Variants in NSDHL observed in about 807,000 individuals in gnomAD.
NSDHL encodes the protein NAD(P) dependent 3-beta-hydroxysteroid dehydrogenase NSDHL, also known as sterol-4-alpha-carboxylate 3-dehydrogenase, decarboxylating.
Under a neutral mutation model 23.0 loss-of-function variants are expected in NSDHL, and 1 was observed. That is an observed-to-expected ratio of 0.04 (90% confidence interval 0.02 to 0.21). The LOEUF (loss-of-function observed/expected upper bound fraction) is 0.21, where lower values mean the gene tolerates loss of function less well. NSDHL is among the 10% of genes least tolerant of loss of function. The pLI, the probability that NSDHL is intolerant of heterozygous loss-of-function variation, is 1.00. For missense variants in NSDHL, 237 were observed against 300.9 expected (o/e 0.79, Z 1.57); for synonymous variants, 128 against 121.1 (o/e 1.06, Z -0.37).
At chrX:152,866,383 G>A (rs971022849) in intron 6 of NSDHL, among the ~76,000 whole-genome samples, 5 of 113,003 alleles carry the variant, frequency 4.4e-5, no homozygotes, top group South Asian at 3.6e-4. Context: ...TGAATGTTGC[G>A]GGGATGCAAA....
chrX:152,845,226 A>G (rs995293070), intron 1 of NSDHL, among the ~76,000 whole-genome samples: 2 of 111,825 alleles, frequency 1.8e-5, no homozygotes, highest in African/African-American at 3.3e-5. Context: ...GATCATGCCC[A>G]TTCGTTAAAA....
intron 5 of NSDHL, among the ~76,000 whole-genome samples, chrX:152,865,093 T>G (rs782692595): frequency 1.8e-5 from 2 of 112,717 alleles, no homozygotes; most frequent in Non-Finnish European, 3.7e-5. Flanking sequence ...TTTTGTTACT[T>G]TTGAGGCGAA....
At chrX:152,857,872 T>C (rs781907919) in intron 3 of NSDHL, among the ~76,000 whole-genome samples, 35 of 111,901 alleles carry the variant, frequency 3.1e-4, no homozygotes, top group Non-Finnish European at 5.8e-4. Flanking sequence ...CATGTGATTG[T>C]ATGTAGAGAG....
At chrX:152,855,145 C>T (rs1933423984) in intron 3 of NSDHL, among the ~76,000 whole-genome samples, 1 of 109,224 alleles carries the variant, frequency 9.2e-6, no homozygotes, top group Non-Finnish European at 1.9e-5. Flanking sequence ...CAGGCGCCCA[C>T]CACCACCCAT....
At chrX:152,851,410 G>A (rs1273264697) in intron 3 of NSDHL, among the ~76,000 whole-genome samples, 1 of 111,371 alleles carries the variant, frequency 9.0e-6, no homozygotes, top group Non-Finnish European at 1.9e-5. Flanking sequence ...TTGCTTCCTT[G>A]TTGATCTAGT....
chrX:152,863,240 T>G (rs1933556005), intron 5 of NSDHL, among the ~76,000 whole-genome samples: 2 of 112,179 alleles, frequency 1.8e-5, no homozygotes, highest in Admixed American at 1.9e-4. Context: ...CAGGAGTATT[T>G]TCCTTGTTTA....
chrX:152,863,878 A>G (rs1933565310), intron 5 of NSDHL, among the ~76,000 whole-genome samples: 1 of 110,378 alleles, frequency 9.1e-6, no homozygotes, highest in South Asian at 3.8e-4. Context: ...TGGCTACCTG[A>G]GAGCCAGCTG....
intron 4 of NSDHL, among the ~76,000 whole-genome samples, chrX:152,861,751 TTTTG>T (rs1203433369): frequency 8.9e-6 from 1 of 112,930 alleles, no homozygotes; most frequent in Admixed American, 9.4e-5. Flanking sequence ...GTACTTCGTT[TTTTG>T]TTATTTAATA....
chrX:152,860,323 C>G (rs1556847406), intron 4 of NSDHL, among the ~76,000 whole-genome samples: 1 of 112,190 alleles, frequency 8.9e-6, no homozygotes, highest in Admixed American at 9.4e-5. Context: ...AAAGCAGATT[C>G]TCCAAGTCCC....
In NSDHL at chrX:152,846,518, A is replaced by G. The variant is rs374448578; in HGVS notation, c.108+86A>G. On this transcript the variant is annotated intron_variant, in intron 2 of 7. Coordinates refer to ENST00000370274, the MANE Select transcript of NSDHL (RefSeq NM_015922.3). Reference sequence around the variant, plus strand: ...AATTGTATTTGTACATGTATTAATCAATGTTGGGTATTTTTTATGTAAGAT... The same window carrying G: ...AATTGTATTTGTACATGTATTAATCGATGTTGGGTATTTTTTATGTAAGAT... The G allele has an allele frequency of 2.3e-5, 14 of 617,468 alleles. No individual in the cohort carries two copies. In the East Asian group the frequency reaches 3.3e-4, roughly 15 times the overall value. The allele number at this position is 617,468 out of a possible 1,213,427, so 50.9% of individuals were successfully genotyped here.
chrX:152,855,017 C>T (rs1483117069), intron 3 of NSDHL, among the ~76,000 whole-genome samples: 18 of 97,357 alleles, frequency 1.8e-4, no homozygotes, highest in Non-Finnish European at 3.4e-4. Flanking sequence ...TTTTTTGAGA[C>T]GGAGTCTTGC....
rs372798809 is a variant in NSDHL at position 152,868,778 on chromosome X, C to T, written c.790-6C>T. On this transcript the variant is annotated splice_polypyrimidine_tract_variant and splice_region_variant and intron_variant, in intron 7 of 7. Coordinates refer to ENST00000370274, the MANE Select transcript of NSDHL (RefSeq NM_015922.3). Reference sequence around the variant, plus strand: ...TTCTAACTTCTTGTTCTTGTTCTCCCGCCAGGCATTTCACATCACCAATGA... The same window carrying T: ...TTCTAACTTCTTGTTCTTGTTCTCCTGCCAGGCATTTCACATCACCAATGA... The T allele has an allele frequency of 1.3e-5, 16 of 1,203,785 alleles. No homozygotes were observed. Among genetic ancestry groups the T allele is most frequent in the Middle Eastern group, 2.3e-4 (1 of 4,361 alleles).
At chrX:152,838,849 T>G (rs1226401739) in intron 1 of NSDHL, among the ~76,000 whole-genome samples, 1 of 111,742 alleles carries the variant, frequency 8.9e-6, no homozygotes, top group Non-Finnish European at 1.9e-5. Flanking sequence ...TTCCTGGATA[T>G]CCTTGTTAAC....
intron 7 of NSDHL, among the ~76,000 whole-genome samples, chrX:152,867,944 A>T (rs1242178284): frequency 1.8e-5 from 2 of 110,378 alleles, no homozygotes; most frequent in Non-Finnish European, 3.8e-5. Flanking sequence ...CTGGCTGCCC[A>T]CCTGTTGGCA....
intron 1 of NSDHL, among the ~76,000 whole-genome samples, chrX:152,832,141 G>A (rs1933024420): frequency 9.0e-6 from 1 of 111,456 alleles, no homozygotes; most frequent in African/African-American, 3.3e-5. Context: ...TCATGTGCCA[G>A]CCACACTCCT....
At chrX:152,866,248 G>C (rs1411710234) in intron 6 of NSDHL, among the ~76,000 whole-genome samples, 2 of 112,087 alleles carry the variant, frequency 1.8e-5, no homozygotes, top group Admixed American at 1.9e-4. Context: ...GGGCAAACAG[G>C]CTCCCTTGGG....
At chrX:152,839,851 G>C (rs930483399) in intron 1 of NSDHL, among the ~76,000 whole-genome samples, 1 of 112,215 alleles carries the variant, frequency 8.9e-6, no homozygotes, top group African/African-American at 3.2e-5. Flanking sequence ...GGCCTGCCTT[G>C]CTAGGTTGGG....
intron 1 of NSDHL, 111 bp from the exon 2 acceptor site, chrX:152,846,171 C>T: frequency 1.9e-6 from 1 of 515,517 alleles, no homozygotes; most frequent in Non-Finnish European, 3.5e-6. Context: ...CGCTATGGTT[C>T]AGCTATTTGT....
intron 6 of NSDHL, among the ~76,000 whole-genome samples, chrX:152,866,451 G>A (rs2125016102): frequency 8.8e-6 from 1 of 113,152 alleles, no homozygotes; most frequent in African/African-American, 3.2e-5. Flanking sequence ...TCTTGTAGTT[G>A]CCATAACAAC....
Sources: gnomAD v4.1 joint callset for allele counts (sites outside exome capture counted in the v4.1 genomes callset) on GRCh38, gnomAD v4.1.1 for gene constraint, MANE v1.5 for transcripts, NCBI Gene and HGNC (gene_info 2026-07-23, HGNC 2026-07-21) for gene names.